LRMDA: variants seen among roughly 807,000 people sequenced by gnomAD.
LRMDA encodes leucine rich melanocyte differentiation associated.
LRMDA carries 18 observed loss-of-function variants against 29.8 expected under a neutral mutation model. The observed-to-expected ratio is 0.60, with a 90% CI of 0.42 to 0.90. The LOEUF (loss-of-function observed/expected upper bound fraction) is 0.90, where lower values mean the gene tolerates loss of function less well. Ranked by LOEUF, LRMDA falls within the 40% of genes least tolerant of loss-of-function variation. The pLI is 0.00. For missense variants in LRMDA, 273 were observed against 273.9 expected, an observed-to-expected ratio of 1.00 and a Z score of 0.02; for synonymous variants, 125 against 109.4, an observed-to-expected ratio of 1.14 and a Z score of -0.89.
chr10:75,974,081 G>A (rs1239505980), intron 2 of LRMDA, among the ~76,000 whole-genome samples: 11 of 152,156 alleles, frequency 7.2e-5, no homozygotes, highest in Non-Finnish European at 1.6e-4. Flanking sequence ...TTTTAAAGGG[G>A]CCAGTTTTGC....
At chr10:76,370,205 C>A (rs1434773502) in intron 6 of LRMDA, among the ~76,000 whole-genome samples, 1 of 151,844 alleles carries the variant, frequency 6.6e-6, no homozygotes, top group Non-Finnish European at 1.5e-5. Flanking sequence ...TTAGTGTAAT[C>A]AAAGAGACCC....
intron 6 of LRMDA, among the ~76,000 whole-genome samples, chr10:76,390,503 A>G (rs1286654852): frequency 6.6e-6 from 1 of 151,134 alleles, no homozygotes; most frequent in African/African-American, 2.4e-5. Flanking sequence ...ATTAAGCAGA[A>G]CAAAAAAAAA....
At chr10:76,231,126 A>G (rs998770341) in intron 5 of LRMDA, among the ~76,000 whole-genome samples, 2 of 152,188 alleles carry the variant, frequency 1.3e-5, no homozygotes, top group Non-Finnish European at 2.9e-5. Flanking sequence ...ATAAAAAGCC[A>G]TTCATGTTGT....
intron 6 of LRMDA, among the ~76,000 whole-genome samples, chr10:76,392,285 T>C (rs1312227632): frequency 6.6e-6 from 1 of 152,194 alleles, no homozygotes; most frequent in Non-Finnish European, 1.5e-5. Context: ...AAACTTGTTC[T>C]ATCTGCTGGC....
chr10:76,215,682 T>G (rs1022922494), intron 5 of LRMDA, among the ~76,000 whole-genome samples: 2 of 152,200 alleles, frequency 1.3e-5, no homozygotes, highest in African/African-American at 4.8e-5. Context: ...ATGTCCCAAT[T>G]CTACTTAACC....
At chr10:76,237,417 A>G (rs1469755562) in intron 5 of LRMDA, among the ~76,000 whole-genome samples, 1 of 152,158 alleles carries the variant, frequency 6.6e-6, no homozygotes, top group Non-Finnish European at 1.5e-5. Context: ...AGGCCCAGAG[A>G]AGGGAATTTA....
At chr10:76,037,143 G>A (rs1848262773) in intron 3 of LRMDA, among the ~76,000 whole-genome samples, 1 of 152,328 alleles carries the variant, frequency 6.6e-6, no homozygotes, top group South Asian at 2.1e-4. Context: ...AAGAGGTGAG[G>A]TGTAGGCACA....
chr10:75,713,458 C>T (rs1051003495), intron 2 of LRMDA, among the ~76,000 whole-genome samples: 1 of 152,174 alleles, frequency 6.6e-6, no homozygotes, highest in African/African-American at 2.4e-5. Flanking sequence ...TTTTGTTTCC[C>T]TACATGGGTA....
At chr10:75,695,857 C>T (rs1253828849) in intron 2 of LRMDA, among the ~76,000 whole-genome samples, 1 of 152,092 alleles carries the variant, frequency 6.6e-6, no homozygotes, top group Non-Finnish European at 1.5e-5. Context: ...CTCATCCACC[C>T]ACTATACCTC....
chr10:75,721,252 G>C lies in LRMDA; in HGVS notation c.131+282758G>C, dbSNP rs375026617. 7.8e-4 allele frequency among the ~76,000 whole-genome samples: 119 copies of C among 152,242 alleles called. 3 individuals carry two copies. The South Asian group carries it at 0.025, about 32-fold the overall frequency. Reference sequence around the variant, plus strand: ...GCTTTCTGCTCTGAGCATCTTTGAAGACCGGGTAGGTGTTGGGGAGTGGGG... The same window carrying C: ...GCTTTCTGCTCTGAGCATCTTTGAACACCGGGTAGGTGTTGGGGAGTGGGG... On this transcript the variant is annotated intron_variant, in intron 2 of 6. Coordinates refer to ENST00000611255, the MANE Select transcript of LRMDA (RefSeq NM_001305581.2).
At chr10:76,152,853 T>TA (rs1850470223) in intron 5 of LRMDA, among the ~76,000 whole-genome samples, 1 of 151,992 alleles carries the variant, frequency 6.6e-6, no homozygotes, top group South Asian at 2.1e-4. Context: ...TTTGGCTTTT[T>TA]TTTTTGAGAC....
At chr10:75,715,131 G>A (rs996613937) in intron 2 of LRMDA, among the ~76,000 whole-genome samples, 7 of 152,118 alleles carry the variant, frequency 4.6e-5, no homozygotes, top group Non-Finnish European at 1.0e-4. Flanking sequence ...GTGCTGAGAC[G>A]GTGAGGGGCT....
chr10:75,609,988 A>G (rs1315828180), intron 2 of LRMDA, among the ~76,000 whole-genome samples: 1 of 152,214 alleles, frequency 6.6e-6, no homozygotes, highest in Non-Finnish European at 1.5e-5. Context: ...GGTGGAGTGT[A>G]TAGTATATTC....
Position 76,538,833 on chromosome 10 carries a change from A to G in LRMDA, c.602-18376A>G, listed in dbSNP as rs1265685653. Among the ~76,000 whole-genome samples the G allele has an allele frequency of 2.0e-5, 3 of 152,084 alleles. No homozygotes were observed. The East Asian group carries it at 5.8e-4, about 29-fold the overall frequency. On this transcript the variant is annotated intron_variant, in intron 6 of 6. Transcript: ENST00000611255. ...ATAACATTTTGTATATTAAAGTATTATAGCAACTTTTATTATAGTTATTTT... is the reference window on the plus strand; with the variant it reads ...ATAACATTTTGTATATTAAAGTATTGTAGCAACTTTTATTATAGTTATTTT...
At chr10:75,455,351 A>G (rs1028016691) in intron 2 of LRMDA, among the ~76,000 whole-genome samples, 3 of 152,154 alleles carry the variant, frequency 2.0e-5, no homozygotes, top group African/African-American at 7.2e-5. Context: ...GTTCCTGCAA[A>G]GGCCCCGAGT....
intron 2 of LRMDA, among the ~76,000 whole-genome samples, chr10:75,659,940 T>G (rs1841729303): frequency 6.6e-6 from 1 of 152,198 alleles, no homozygotes; most frequent in Admixed American, 6.5e-5. Flanking sequence ...CTAAGTGAGA[T>G]GCATATACCT....
chr10:75,835,087 T>G (rs1844410453), intron 2 of LRMDA, among the ~76,000 whole-genome samples: 1 of 152,250 alleles, frequency 6.6e-6, no homozygotes, highest in Non-Finnish European at 1.5e-5. Flanking sequence ...GCAACAAATT[T>G]CCACAAACTT....
At chr10:75,519,587 A>G (rs1845331578) in intron 2 of LRMDA, among the ~76,000 whole-genome samples, 1 of 152,036 alleles carries the variant, frequency 6.6e-6, no homozygotes, top group Admixed American at 6.5e-5. Flanking sequence ...TGCACTTGAG[A>G]TGGGTCTCCT....
intron 6 of LRMDA, among the ~76,000 whole-genome samples, chr10:76,432,991 A>G (rs1589184330): frequency 6.6e-6 from 1 of 152,316 alleles, no homozygotes; most frequent in East Asian, 1.9e-4. Context: ...GACAGAATGG[A>G]CTGCTGGCGG....
Sources: gnomAD v4.1 joint callset for allele counts (sites outside exome capture counted in the v4.1 genomes callset) on GRCh38, gnomAD v4.1.1 for gene constraint, MANE v1.5 for transcripts, NCBI Gene and HGNC (gene_info 2026-07-23, HGNC 2026-07-21) for gene names.